GRIK1: variants seen among roughly 807,000 people sequenced by gnomAD.
The protein encoded by GRIK1 is glutamate receptor ionotropic, kainate 1.
A neutral mutation model predicts 105.7 loss-of-function variants in GRIK1; 69 were observed. That is an observed-to-expected ratio of 0.65 (90% CI 0.54 to 0.80). The LOEUF is 0.80. Among genes scored for constraint, GRIK1 ranks in the 30% least tolerant of loss-of-function variants. The probability of loss-of-function intolerance (pLI) is 0.00; values close to 1 mark genes in which losing one functional copy is unlikely to be tolerated. For synonymous variants in GRIK1, 438 were observed against 431.3 expected, an observed-to-expected ratio of 1.02 and a Z score of -0.19; for missense variants, 1,109 against 1,167.3, an observed-to-expected ratio of 0.95 and a Z score of 0.73.
chr21:29,936,472 T>A (rs971893136), intron 1 of GRIK1, among the ~76,000 whole-genome samples: 2 of 152,224 alleles, frequency 1.3e-5, no homozygotes, highest in South Asian at 4.1e-4. Flanking sequence ...TAATTACATA[T>A]GTCAACTAAC....
At position 29,685,398 on chromosome 21, in the gene GRIK1, G is replaced by A. The variant is rs149878834; in HGVS notation, c.544+4330C>T. ...AGAGACAGGCAAAACTATAAAGTAG[G>A]TTTTTCTTAATCATTCACAAAATAA... On this transcript the variant is annotated intron_variant, in intron 3 of 17. Coordinates refer to ENST00000327783, the MANE Select transcript of GRIK1 (RefSeq NM_001330994.2). Among the ~76,000 whole-genome samples the A allele has an allele frequency of 3.8e-4, 58 of 152,066 alleles. No homozygotes were observed. The East Asian group carries it at 8.7e-3, about 23-fold the overall frequency.
intron 1 of GRIK1, among the ~76,000 whole-genome samples, chr21:29,811,866 C>T (rs908208599): frequency 1.3e-5 from 2 of 152,180 alleles, no homozygotes; most frequent in African/African-American, 4.8e-5. Flanking sequence ...TCCAGCCTCT[C>T]GGCTTTTCTA....
chr21:29,774,452 T>C (rs898311811), intron 1 of GRIK1, among the ~76,000 whole-genome samples: 1 of 147,004 alleles, frequency 6.8e-6, no homozygotes, highest in Non-Finnish European at 1.5e-5. Flanking sequence ...TGCTCTTTTT[T>C]TTTTTTTTTT....
At chr21:29,904,154 A>G (rs1296445662) in intron 1 of GRIK1, among the ~76,000 whole-genome samples, 4 of 152,154 alleles carry the variant, frequency 2.6e-5, no homozygotes, top group African/African-American at 9.7e-5. Flanking sequence ...GGTTAGCATT[A>G]GAAGAAATAC....
chr21:29,874,049 A>G (rs2069110024), intron 1 of GRIK1, among the ~76,000 whole-genome samples: 1 of 152,158 alleles, frequency 6.6e-6, no homozygotes. Context: ...GAGGAGGTGG[A>G]GCTCAGGCGA....
intron 16 of GRIK1, among the ~76,000 whole-genome samples, chr21:29,540,346 G>A (rs1397991880): frequency 1.3e-5 from 2 of 152,142 alleles, no homozygotes; most frequent in Non-Finnish European, 1.5e-5. Flanking sequence ...GGCTTTCTTG[G>A]TCTTTGGTTG....
At chr21:29,606,930 T>G (rs1331334186) in intron 7 of GRIK1, among the ~76,000 whole-genome samples, 1 of 152,212 alleles carries the variant, frequency 6.6e-6, no homozygotes, top group Non-Finnish European at 1.5e-5. Context: ...GGCACCTGTA[T>G]TTGGTCTCAG....
At chr21:29,604,749 C>T (rs1170164938) in intron 7 of GRIK1, among the ~76,000 whole-genome samples, 3 of 152,168 alleles carry the variant, frequency 2.0e-5, no homozygotes, top group Non-Finnish European at 2.9e-5. Flanking sequence ...ATCTTCATGT[C>T]TACCACTGCT....
At chr21:29,550,809 G>A (rs2090121365) in intron 16 of GRIK1, among the ~76,000 whole-genome samples, 1 of 152,138 alleles carries the variant, frequency 6.6e-6, no homozygotes, top group Non-Finnish European at 1.5e-5. Flanking sequence ...ACCAACAGTT[G>A]TTAACGGATA....
chr21:29,553,357 C>T (rs1437700309), intron 16 of GRIK1: 4 of 1,208,706 alleles, frequency 3.3e-6, no homozygotes, highest in Non-Finnish European at 4.1e-6. Context: ...CTTTATACCC[C>T]TAATATGCCC....
chr21:29,791,945 G>A (rs1300490910), intron 1 of GRIK1, among the ~76,000 whole-genome samples: 3 of 152,102 alleles, frequency 2.0e-5, no homozygotes, highest in South Asian at 4.1e-4. Flanking sequence ...GACTGCAGGT[G>A]CAAATAAGAA....
chr21:29,643,246 C>T (rs564706197), intron 6 of GRIK1, among the ~76,000 whole-genome samples: 4 of 152,118 alleles, frequency 2.6e-5, no homozygotes, highest in Non-Finnish European at 5.9e-5. Context: ...ATTCAAGGAA[C>T]AAATATTTTG....
chr21:29,654,784 A>G (rs896158753), intron 5 of GRIK1, 26 bp downstream of exon 5: 26 of 1,330,692 alleles, frequency 2.0e-5, no homozygotes, highest in Non-Finnish European at 2.8e-5. Context: ...TACCATGTGG[A>G]ATACATTTCT....
chr21:29,704,388 TC>T (rs1378629662), intron 1 of GRIK1, among the ~76,000 whole-genome samples: 1 of 152,208 alleles, frequency 6.6e-6, no homozygotes, highest in Non-Finnish European at 1.5e-5. Flanking sequence ...AGGTGAACTC[TC>T]CCTTTCTTTT....
chr21:29,760,985 T>A (rs1014940384), intron 1 of GRIK1, among the ~76,000 whole-genome samples: 1 of 152,232 alleles, frequency 6.6e-6, no homozygotes, highest in African/African-American at 2.4e-5. Context: ...GGGCTTACTT[T>A]TTTAGTTTTA....
chr21:29,934,090 C>T (rs2071665627), intron 1 of GRIK1, among the ~76,000 whole-genome samples: 1 of 152,204 alleles, frequency 6.6e-6, no homozygotes, highest in African/African-American at 2.4e-5. Context: ...AATCCTTCCT[C>T]TAAACCCATC....
chr21:29,845,089 C>A (rs1465899975), intron 1 of GRIK1, among the ~76,000 whole-genome samples: 4 of 152,088 alleles, frequency 2.6e-5, no homozygotes, highest in African/African-American at 9.7e-5. Context: ...AATAACTTCA[C>A]TAGAATATGT....
At chr21:29,792,248 A>C (rs932837025) in intron 1 of GRIK1, among the ~76,000 whole-genome samples, 4 of 152,178 alleles carry the variant, frequency 2.6e-5, no homozygotes, top group African/African-American at 9.7e-5. Flanking sequence ...ATTTACTGGA[A>C]TAAGAGGTGC....
chr21:29,545,964 C>T (rs1014288705), intron 16 of GRIK1, among the ~76,000 whole-genome samples: 2 of 152,210 alleles, frequency 1.3e-5, no homozygotes, highest in Admixed American at 1.3e-4. Context: ...AGCCTCTCTC[C>T]ACATCCCTTC....
Sources: gnomAD v4.1 joint callset for allele counts (sites outside exome capture counted in the v4.1 genomes callset) on GRCh38, gnomAD v4.1.1 for gene constraint, MANE v1.5 for transcripts, NCBI Gene and HGNC (gene_info 2026-07-23, HGNC 2026-07-21) for gene names.